SGCZ: variants seen among roughly 807,000 people sequenced by gnomAD.
SGCZ encodes the protein sarcoglycan zeta, also known as zeta-sarcoglycan.
SGCZ carries 40 observed loss-of-function variants against 41.3 expected under a neutral mutation model. The ratio of observed to expected loss-of-function variants is 0.97; its 90% CI spans 0.75 to 1.26. SGCZ has a LOEUF of 1.26. Among genes scored for constraint, SGCZ ranks in the 50% most tolerant of loss-of-function variants. The pLI, the probability that SGCZ is intolerant of heterozygous loss-of-function variation, is 0.00. For missense variants in SGCZ, 552 were observed against 369.8 expected (o/e 1.49, Z -4.04); for synonymous variants, 206 against 137.5 (o/e 1.50, Z -3.49).
At position 14,163,327 on chromosome 8, in the gene SGCZ, G is replaced by A. The variant is rs144675106; in HGVS notation, c.547+1253C>T. The stretch of plus-strand genomic sequence containing the variant: ...AATACTCTCCCTCCTCCCAACTTCC[G>A]CCCGCTTACAGGCTCCAGTGTGTGT... On this transcript the variant is annotated intron_variant, in intron 5 of 7. Coordinates refer to ENST00000382080, the MANE Select transcript of SGCZ (RefSeq NM_139167.4). 6.0e-3 allele frequency among the ~76,000 whole-genome samples: 910 copies of A among 151,976 alleles called. 7 individuals are homozygous for A. Among genetic ancestry groups the A allele is most frequent in the African/African-American group, 0.021 (865 of 41,438 alleles).
chr8:15,050,345 T>C (rs1311159074), intron 1 of SGCZ, among the ~76,000 whole-genome samples: 5 of 152,144 alleles, frequency 3.3e-5, no homozygotes, highest in African/African-American at 9.7e-5. Flanking sequence ...TGGCCCTCTC[T>C]GTGAAATTGG....
intron 2 of SGCZ, among the ~76,000 whole-genome samples, chr8:14,382,714 G>A (rs1171307287): frequency 2.0e-5 from 3 of 152,196 alleles, no homozygotes; most frequent in Non-Finnish European, 4.4e-5. Flanking sequence ...ACACTAGTGT[G>A]AATGGGCAAA....
intron 7 of SGCZ, among the ~76,000 whole-genome samples, chr8:14,095,514 T>C (rs1222383009): frequency 6.6e-6 from 1 of 152,188 alleles, no homozygotes. Context: ...AGCCTTGTAG[T>C]AAAGTTTGAA....
intron 3 of SGCZ, among the ~76,000 whole-genome samples, chr8:14,262,832 AAC>A (rs1389638235): frequency 5.3e-5 from 8 of 151,910 alleles, no homozygotes; most frequent in Non-Finnish European, 1.2e-4. Flanking sequence ...AAAAAAAAAA[AAC>A]AGCACAGAGC....
At position 15,006,782 on chromosome 8, in the gene SGCZ, C is replaced by T. The variant is rs556969257; in HGVS notation, c.39+230803G>A. Among the ~76,000 whole-genome samples, 24 of 152,242 alleles carry T rather than the reference C, an allele frequency of 1.6e-4. 1 individual carries two copies. The highest frequency in any genetic ancestry group is 5.1e-4 in the African/African-American group (21 of 41,550). On this transcript the variant is annotated intron_variant, in intron 1 of 7. Transcript: ENST00000382080. The stretch of plus-strand genomic sequence containing the variant: ...ATATTCATAGATGAGTTGTAAAAGC[C>T]TGTCTCCCATGTTTGAACCTGCATT...
chr8:14,478,851 G>C (rs992571364), intron 2 of SGCZ, among the ~76,000 whole-genome samples: 2 of 151,992 alleles, frequency 1.3e-5, no homozygotes, highest in Admixed American at 6.6e-5. Flanking sequence ...TGTTTCACTT[G>C]TAAAAAGGTA....
intron 1 of SGCZ, among the ~76,000 whole-genome samples, chr8:14,926,657 T>G (rs1799761720): frequency 6.6e-6 from 1 of 152,144 alleles, no homozygotes; most frequent in Admixed American, 6.5e-5. Flanking sequence ...TTTTTTTGTT[T>G]TTTTGAGACA....
chr8:14,385,128 T>G (rs537533090), intron 2 of SGCZ, among the ~76,000 whole-genome samples: 5 of 152,178 alleles, frequency 3.3e-5, no homozygotes, highest in Admixed American at 3.3e-4. Flanking sequence ...TTTGTATCGT[T>G]TGGTGATTTT....
chr8:14,511,430 A>G (rs1266091034), intron 2 of SGCZ, among the ~76,000 whole-genome samples: 8 of 152,068 alleles, frequency 5.3e-5, no homozygotes, highest in Non-Finnish European at 1.2e-4. Flanking sequence ...AGAGCCAGAG[A>G]AAAACTGAGA....
intron 1 of SGCZ, among the ~76,000 whole-genome samples, chr8:15,035,159 G>A (rs1164151148): frequency 4.6e-5 from 7 of 151,978 alleles, no homozygotes; most frequent in African/African-American, 1.7e-4. Context: ...CTTGCTAGGG[G>A]AAACACAATA....
intron 1 of SGCZ, among the ~76,000 whole-genome samples, chr8:14,814,402 C>G (rs1049176055): frequency 3.3e-5 from 5 of 152,020 alleles, no homozygotes; most frequent in African/African-American, 1.2e-4. Context: ...GAGCTACATC[C>G]CCACTTGCAC....
At position 15,071,956 on chromosome 8, in the gene SGCZ, C is replaced by G. The variant is rs151316515; in HGVS notation, c.39+165629G>C. 2.5e-4 allele frequency among the ~76,000 whole-genome samples: 38 copies of G among 152,260 alleles called. 1 individual carries two copies. The East Asian group carries it at 6.6e-3, about 26-fold the overall frequency. On this transcript the variant is annotated intron_variant, in intron 1 of 7. Transcript: ENST00000382080. ...AGACAACTTCTTTCCGGAAACTTGT[C>G]TGGGACAGCCTCATGACTGGGAACG... is the stretch of plus-strand genomic sequence containing the variant.
intron 1 of SGCZ, among the ~76,000 whole-genome samples, chr8:14,727,584 C>T (rs1810097240): frequency 6.6e-6 from 1 of 151,288 alleles, no homozygotes; most frequent in South Asian, 2.1e-4. Context: ...GATCTGAGCT[C>T]ACCACAAGCT....
At chr8:14,763,942 C>T (rs945800955) in intron 1 of SGCZ, among the ~76,000 whole-genome samples, 1 of 152,168 alleles carries the variant, frequency 6.6e-6, no homozygotes, top group African/African-American at 2.4e-5. Flanking sequence ...TTGGATTTGA[C>T]TTGCGGTAAT....
chr8:14,765,191 T>C (rs1016369118), intron 1 of SGCZ, among the ~76,000 whole-genome samples: 71 of 152,154 alleles, frequency 4.7e-4, no homozygotes, highest in Non-Finnish European at 1.3e-4. Context: ...GACCTGGACT[T>C]GATTCCCTTA....
At chr8:14,723,267 A>G (rs928796147) in intron 1 of SGCZ, among the ~76,000 whole-genome samples, 10 of 152,318 alleles carry the variant, frequency 6.6e-5, no homozygotes, top group African/African-American at 2.2e-4. Flanking sequence ...GAACCTGAAG[A>G]AAAAGAAAGC....
At chr8:14,299,688 A>T (rs1801124067) in intron 3 of SGCZ, among the ~76,000 whole-genome samples, 1 of 151,902 alleles carries the variant, frequency 6.6e-6, no homozygotes, top group South Asian at 2.1e-4. Context: ...GAGCAATGGG[A>T]TCTCTTTACA....
chr8:14,521,988 TG>T (rs1395904047), intron 2 of SGCZ, among the ~76,000 whole-genome samples: 3 of 152,132 alleles, frequency 2.0e-5, no homozygotes, highest in East Asian at 3.9e-4. Context: ...AATTTTAAAA[TG>T]TTTTTTTCTA....
intron 1 of SGCZ, among the ~76,000 whole-genome samples, chr8:14,759,686 G>C (rs1799799840): frequency 1.3e-5 from 2 of 152,066 alleles, no homozygotes; most frequent in African/African-American, 4.8e-5. Flanking sequence ...AGGTACCCAT[G>C]GCCAATTAGT....
Sources: allele counts gnomAD v4.1 joint callset (sites outside exome capture counted in the v4.1 genomes callset), GRCh38; gene constraint gnomAD v4.1.1; transcripts MANE v1.5; gene names NCBI Gene and HGNC (gene_info 2026-07-23, HGNC 2026-07-21).